ZNHIT6: variants seen among roughly 807,000 people sequenced by gnomAD.
The protein encoded by ZNHIT6 is box C/D snoRNA protein 1.
Under a neutral mutation model 57.2 loss-of-function variants are expected in ZNHIT6, and 45 were observed. The observed-to-expected ratio is 0.79, with a 90% confidence interval of 0.62 to 1.01. The LOEUF is 1.01. Ranked by LOEUF, ZNHIT6 falls within the 50% of genes least tolerant of loss-of-function variation. ZNHIT6 has a pLI of 0.00. For synonymous variants in ZNHIT6, 188 were observed against 190.0 expected, an observed-to-expected ratio of 0.99 and a Z score of 0.09; for missense variants, 528 against 567.3, an observed-to-expected ratio of 0.93 and a Z score of 0.70.
intron 2 of ZNHIT6, 30 bp from the exon 3 acceptor site, chr1:85,706,385 ATTT>A: frequency 6.2e-7 from 1 of 1,613,664 alleles, no homozygotes; most frequent in Non-Finnish European, 8.5e-7. Context: ...GTACTTTTAT[ATTT>A]TAGGGTAAGA....
intron 5 of ZNHIT6, among the ~76,000 whole-genome samples, chr1:85,681,612 C>T (rs543327337): frequency 6.6e-6 from 1 of 152,280 alleles, no homozygotes; most frequent in South Asian, 2.1e-4. Context: ...AAATTTCTAA[C>T]AATCCATTAG....
At position 85,649,519 on chromosome 1, in the gene ZNHIT6, C is replaced by A. The variant is rs936151174; in HGVS notation, c.*4539G>T. The A allele has an allele frequency of 6.6e-6, 1 of 152,088 alleles. No individual in the cohort carries two copies. Among genetic ancestry groups the A allele is most frequent in the African/African-American group, 2.4e-5 (1 of 41,420 alleles). The allele number at this position is 152,088 out of a possible 1,614,324, so 9.4% of individuals were successfully genotyped here. A position where few individuals can be genotyped will look rare whatever the true frequency, so the allele number is the denominator to read the frequency against. On this transcript the variant is annotated 3_prime_UTR_variant, in exon 10 of 10. Transcript: ENST00000370574. ...AAAGGATGCATTTGGTTCTAAAGTT[C>A]AAAATGAGTACAGTACATCACACTC...
intron 8 of ZNHIT6, among the ~76,000 whole-genome samples, chr1:85,663,963 C>A (rs1272739492): frequency 6.6e-6 from 1 of 152,138 alleles, no homozygotes; most frequent in Non-Finnish European, 1.5e-5. Context: ...CCCCTTCTCT[C>A]TAGCTGCTTT....
intron 8 of ZNHIT6, among the ~76,000 whole-genome samples, chr1:85,665,697 T>C (rs1035929268): frequency 6.6e-6 from 1 of 152,206 alleles, no homozygotes; most frequent in East Asian, 1.9e-4. Flanking sequence ...TAACAAAACA[T>C]ACATTTCCTT....
intron 8 of ZNHIT6, among the ~76,000 whole-genome samples, chr1:85,669,866 G>T (rs1308222245): frequency 6.6e-6 from 1 of 152,122 alleles, no homozygotes; most frequent in Non-Finnish European, 1.5e-5. Context: ...TAGTCTTGTA[G>T]ATGTCTATAT....
chr1:85,673,572 C>G (rs888950202), intron 8 of ZNHIT6, among the ~76,000 whole-genome samples: 1 of 152,174 alleles, frequency 6.6e-6, no homozygotes, highest in African/African-American at 2.4e-5. Flanking sequence ...TCTGAAGTTA[C>G]TGTAATGCTG....
At chr1:85,671,641 A>C (rs1465599900) in intron 8 of ZNHIT6, among the ~76,000 whole-genome samples, 1 of 152,160 alleles carries the variant, frequency 6.6e-6, no homozygotes, top group East Asian at 1.9e-4. Context: ...TGAATAATAC[A>C]CAGGAGTGAT....
intron 5 of ZNHIT6, among the ~76,000 whole-genome samples, chr1:85,689,491 T>C (rs929252147): frequency 7.9e-5 from 12 of 152,214 alleles, no homozygotes; most frequent in African/African-American, 2.9e-4. Context: ...CACATCATTA[T>C]GTAAATACTT....
At chr1:85,704,610 A>C (rs1021456581) in intron 4 of ZNHIT6, among the ~76,000 whole-genome samples, 1 of 152,152 alleles carries the variant, frequency 6.6e-6, no homozygotes, top group Non-Finnish European at 1.5e-5. Context: ...ATATTTCACA[A>C]TTTAAAAAAA....
intron 8 of ZNHIT6, among the ~76,000 whole-genome samples, chr1:85,677,019 A>G (rs186301669): frequency 6.6e-6 from 1 of 152,326 alleles, no homozygotes; most frequent in South Asian, 2.1e-4. Context: ...TATTTCCCCT[A>G]TATCAGTTGA....
At chr1:85,676,074 C>T (rs142017786) in intron 8 of ZNHIT6, among the ~76,000 whole-genome samples, 4,735 of 152,102 alleles carry the variant, frequency 0.031, 118 homozygotes, top group Non-Finnish European at 0.044. Flanking sequence ...CGGTGGCTCA[C>T]GCCTGTAATC....
chr1:85,660,210 A>G (rs1015407563), intron 8 of ZNHIT6, among the ~76,000 whole-genome samples: 1 of 152,206 alleles, frequency 6.6e-6, no homozygotes, highest in Admixed American at 6.5e-5. Flanking sequence ...AATGGTGATA[A>G]CTAAATTTTT....
At chr1:85,677,726 A>G (rs1298894872) in intron 7 of ZNHIT6, among the ~76,000 whole-genome samples, 1 of 152,224 alleles carries the variant, frequency 6.6e-6, no homozygotes, top group Non-Finnish European at 1.5e-5. Context: ...CCTTTTATCA[A>G]AAGCAAAAGA....
At chr1:85,657,225 T>C (rs1039714034) in intron 9 of ZNHIT6, among the ~76,000 whole-genome samples, 1 of 152,122 alleles carries the variant, frequency 6.6e-6, no homozygotes, top group Non-Finnish European at 1.5e-5. Context: ...TTTATGTACA[T>C]TTTTTCCAGT....
At position 85,706,252 on chromosome 1, in the gene ZNHIT6, T is replaced by G; in HGVS notation, c.826A>C (p.Ser276Arg). 1 of 1,611,106 alleles carries G rather than the reference T, an allele frequency of 6.2e-7. No homozygotes were observed. Residue 276 changes from serine to arginine, a missense_variant, in exon 3 of 10, where the codon AGT (serine) becomes CGT (arginine). Ser to Arg is a moderately radical substitution (Grantham distance 110). Transcript: ENST00000370574. ...TGCTATGCATAAAGTGGCTTACCAC[T>G]TAGGAGATTCATTTCAGTAAACTGT... ...IQQFTEMNLL[S>R]DYRFLEDVAR...
At chr1:85,682,842 G>A (rs1661916072) in intron 5 of ZNHIT6, among the ~76,000 whole-genome samples, 2 of 152,134 alleles carry the variant, frequency 1.3e-5, no homozygotes, top group Admixed American at 1.3e-4. Context: ...AGAAATAAAG[G>A]GCTATTGATA....
chr1:85,693,147 A>G (rs1358206814), intron 5 of ZNHIT6, among the ~76,000 whole-genome samples: 3 of 152,220 alleles, frequency 2.0e-5, no homozygotes, highest in Admixed American at 1.3e-4. Flanking sequence ...CTGAGGGCCA[A>G]TATCATTTGG....
At chr1:85,663,526 T>C (rs1661280853) in intron 8 of ZNHIT6, among the ~76,000 whole-genome samples, 1 of 152,226 alleles carries the variant, frequency 6.6e-6, no homozygotes, top group Admixed American at 6.5e-5. Flanking sequence ...TGCTCAAATA[T>C]TTACTTAGTG....
At chr1:85,697,980 A>C (rs935365006) in intron 5 of ZNHIT6, among the ~76,000 whole-genome samples, 1 of 152,198 alleles carries the variant, frequency 6.6e-6, no homozygotes, top group South Asian at 2.1e-4. Flanking sequence ...TAAAGGAATT[A>C]CCTCTGAAAA....
Sources: allele counts gnomAD v4.1 joint callset (sites outside exome capture counted in the v4.1 genomes callset), GRCh38; gene constraint gnomAD v4.1.1; transcripts MANE v1.5; gene names NCBI Gene and HGNC (gene_info 2026-07-23, HGNC 2026-07-21).